The following POU6F2 variants were observed in gnomAD, a reference collection of about 807,000 sequenced individuals.
POU6F2 encodes the protein POU class 6 homeobox 2.
POU6F2 carries 31 observed loss-of-function variants against 71.3 expected under a neutral mutation model. That is an observed-to-expected ratio of 0.43 (90% confidence interval 0.33 to 0.59). The LOEUF (loss-of-function observed/expected upper bound fraction) is 0.59. POU6F2 is among the 20% of genes least tolerant of loss of function. The pLI, the probability that POU6F2 is intolerant of heterozygous loss-of-function variation, is 0.04. For synonymous variants in POU6F2, 347 were observed against 355.7 expected, an observed-to-expected ratio of 0.98 and a Z score of 0.27; for missense variants, 783 against 856.8, an observed-to-expected ratio of 0.91 and a Z score of 1.07.
In POU6F2 at chr7:39,127,883, C is replaced by T. The variant is rs141940325; in HGVS notation, c.277+41852C>T. On this transcript the variant is annotated intron_variant, in intron 2 of 9. Coordinates refer to ENST00000518318, the MANE Select transcript of POU6F2 (RefSeq NM_001370959.1). ...TTTGAGACGGAGTCTTGCTCTGTCGCCCAGGCTGGAGTGCAGTGGTGCAAT... is the reference window on the plus strand; with the variant it reads ...TTTGAGACGGAGTCTTGCTCTGTCGTCCAGGCTGGAGTGCAGTGGTGCAAT... Among the ~76,000 whole-genome samples, 831 of 140,524 alleles carry T rather than the reference C, an allele frequency of 5.9e-3. 12 individuals are homozygous for T. The highest frequency in any genetic ancestry group is 0.021 in the African/African-American group (782 of 37,776). The allele number at this position is 140,524 out of a possible 152,430, so 92.2% of individuals were successfully genotyped here.
At chr7:39,414,651 G>T (rs1435206709) in intron 6 of POU6F2, among the ~76,000 whole-genome samples, 1 of 152,248 alleles carries the variant, frequency 6.6e-6, no homozygotes, top group Non-Finnish European at 1.5e-5. Context: ...CGGGCTGTGC[G>T]TCCTTAAGAC....
intron 1 of POU6F2, among the ~76,000 whole-genome samples, chr7:39,017,813 C>T (rs868599400): frequency 8.1e-5 from 12 of 147,918 alleles, no homozygotes; most frequent in Non-Finnish European, 1.0e-4. Flanking sequence ...ATTGTGCATG[C>T]GTGTGTGTGT....
At chr7:39,169,358 T>C (rs1167369391) in intron 2 of POU6F2, among the ~76,000 whole-genome samples, 1 of 152,206 alleles carries the variant, frequency 6.6e-6, no homozygotes, top group East Asian at 1.9e-4. Flanking sequence ...ATGAAAGTCT[T>C]TGGGAGAAGA....
chr7:39,212,944 G>A (rs1794173189), intron 4 of POU6F2, among the ~76,000 whole-genome samples: 1 of 152,186 alleles, frequency 6.6e-6, no homozygotes, highest in African/African-American at 2.4e-5. Context: ...CTCGATGTGA[G>A]TGACAACAGG....
At chr7:39,366,834 T>G (rs1171883733) in intron 5 of POU6F2, among the ~76,000 whole-genome samples, 2 of 151,852 alleles carry the variant, frequency 1.3e-5, no homozygotes, top group East Asian at 1.9e-4. Context: ...AGATGCCATA[T>G]GGGAAAAGAT....
rs371560771 is a variant in POU6F2, at chr7:39,464,524, C to T, written c.2001C>T (p.Thr667=). Reference sequence around the variant, plus strand: ...CACACCCTTCTGGGCAGGAAATGACCGAAATTGCTGAGAAGCTGAACTATG... The same window carrying T: ...CACACCCTTCTGGGCAGGAAATGACTGAAATTGCTGAGAAGCTGAACTATG... ...KNTHPSGQEM[T]EIAEKLNYDR... is the part of the protein sequence containing the mutation. Residue 667 remains threonine (T), a synonymous_variant, in exon 10 of 10, where the codon ACC becomes ACT. Transcript: ENST00000518318. This position sits in a 1 kb window ranked among gnomAD's most constrained non-coding sequence, Gnocchi z 4.1. 3 of 1,613,288 alleles carry T rather than the reference C, an allele frequency of 1.9e-6. No homozygotes were observed. Among genetic ancestry groups the T allele is most frequent in the South Asian group, 2.2e-5 (2 of 90,962 alleles).
chr7:39,032,464 G>A (rs1294674772), intron 1 of POU6F2, among the ~76,000 whole-genome samples: 2 of 152,194 alleles, frequency 1.3e-5, no homozygotes, highest in African/African-American at 2.4e-5. Context: ...GTTGAATGAG[G>A]TTTGCACACA....
chr7:39,205,765 A>G (rs754345856), intron 3 of POU6F2, among the ~76,000 whole-genome samples: 89 of 152,316 alleles, frequency 5.8e-4, no homozygotes, highest in Non-Finnish European at 2.6e-4. Context: ...CTAAAGCAGC[A>G]GTTCTAAACT....
intron 2 of POU6F2, among the ~76,000 whole-genome samples, chr7:39,114,451 C>T (rs1001831542): frequency 4.6e-5 from 7 of 152,024 alleles, no homozygotes; most frequent in African/African-American, 1.5e-4. Context: ...TCCTCCAGCC[C>T]GCTGCTTTTC....
chr7:39,097,208 A>G (rs1282336459), intron 2 of POU6F2, among the ~76,000 whole-genome samples: 1 of 152,116 alleles, frequency 6.6e-6, no homozygotes, highest in Non-Finnish European at 1.5e-5. Flanking sequence ...TATTATTATT[A>G]TTATTCTCTG....
At chr7:39,220,779 A>AACAT (rs1296590660) in intron 4 of POU6F2, among the ~76,000 whole-genome samples, 1 of 152,030 alleles carries the variant, frequency 6.6e-6, no homozygotes, top group Non-Finnish European at 1.5e-5. Context: ...TACTATATGG[A>AACAT]ACATACCTAG....
intron 5 of POU6F2, among the ~76,000 whole-genome samples, chr7:39,392,509 G>GGA (rs1787092220): frequency 6.6e-6 from 1 of 152,332 alleles, no homozygotes; most frequent in South Asian, 2.1e-4. Flanking sequence ...AACTCTGGAA[G>GGA]GAGGGAGCAA....
intron 5 of POU6F2, among the ~76,000 whole-genome samples, chr7:39,389,657 TA>T (rs1310494983): frequency 2.6e-5 from 4 of 152,236 alleles, no homozygotes; most frequent in African/African-American, 9.6e-5. Context: ...CTAACTGTAA[TA>T]TCCAATACAT....
At chr7:39,105,076 T>A (rs1023095323) in intron 2 of POU6F2, among the ~76,000 whole-genome samples, 2 of 152,194 alleles carry the variant, frequency 1.3e-5, no homozygotes, top group African/African-American at 2.4e-5. Flanking sequence ...AAACATGAAG[T>A]CTATCTTAGG....
chr7:39,279,798 A>G (rs1316532516), intron 4 of POU6F2, among the ~76,000 whole-genome samples: 3 of 151,996 alleles, frequency 2.0e-5, no homozygotes, highest in Non-Finnish European at 2.9e-5. Flanking sequence ...CTGGGCTGGA[A>G]TACAGTAGAG....
At chr7:39,084,162 G>A (rs1375047528) in intron 1 of POU6F2, among the ~76,000 whole-genome samples, 1 of 151,912 alleles carries the variant, frequency 6.6e-6, no homozygotes, top group Admixed American at 6.6e-5. Context: ...TTGTTAGATG[G>A]CAGAAATATA....
chr7:39,042,887 T>C (rs1270710381), intron 1 of POU6F2, among the ~76,000 whole-genome samples: 1 of 151,950 alleles, frequency 6.6e-6, no homozygotes, highest in African/African-American at 2.4e-5. Flanking sequence ...AGAAATCTTC[T>C]CCTTTGTCTC....
intron 1 of POU6F2, chr7:39,083,585 T>C (rs1791172346): frequency 1.4e-5 from 2 of 139,132 alleles, no homozygotes; most frequent in Admixed American, 1.6e-4. Context: ...ATCTTGAGAA[T>C]TGTGTGTCTC....
At chr7:38,982,692 A>G (rs981752769) in intron 1 of POU6F2, among the ~76,000 whole-genome samples, 1 of 152,096 alleles carries the variant, frequency 6.6e-6, no homozygotes, top group Non-Finnish European at 1.5e-5. Context: ...CAACAATTAG[A>G]TGAACTTGGG....
Sources: gnomAD v4.1 joint callset for allele counts (sites outside exome capture counted in the v4.1 genomes callset) on GRCh38, gnomAD v4.1.1 for gene constraint, Gnocchi (gnomAD v3.1) non-coding constraint, MANE v1.5 for transcripts, NCBI Gene and HGNC (gene_info 2026-07-23, HGNC 2026-07-21) for gene names.